HTR1E: variants seen among roughly 807,000 people sequenced by gnomAD.
HTR1E encodes the protein 5-hydroxytryptamine receptor 1E, also known as 5-HT-1E.
Under a neutral mutation model 3.4 loss-of-function variants are expected in HTR1E, and 3 were observed. The observed-to-expected ratio is 0.89, with a 90% CI of 0.41 to 2.31. The LOEUF (loss-of-function observed/expected upper bound fraction) is 2.31, where lower values mean the gene tolerates loss of function less well. Ranked by LOEUF, HTR1E falls within the 30% of genes most tolerant of loss-of-function variation. The probability of loss-of-function intolerance (pLI) is 0.05; values close to 1 mark genes in which losing one functional copy is unlikely to be tolerated. For missense variants in HTR1E, 392 were observed against 467.0 expected (o/e 0.84, Z 1.48); for synonymous variants, 170 against 182.8 (o/e 0.93, Z 0.56).
In HTR1E at chr6:87,003,549, A is replaced by G. The variant is rs1445795436; in HGVS notation, c.-185-11601A>G. Among the ~76,000 whole-genome samples the G allele has an allele frequency of 7.2e-5, 11 of 152,034 alleles. No homozygotes were observed. The East Asian group carries it at 1.7e-3, about 24-fold the overall frequency. ...GAGAGACTCCATCTCAAAAAAAAAAAAAGAAAAAAGAAAGAAATTGAAAAG... is the reference window on the plus strand; with the variant it reads ...GAGAGACTCCATCTCAAAAAAAAAAGAAGAAAAAAGAAAGAAATTGAAAAG... On this transcript the variant is annotated intron_variant, in intron 1 of 1. Coordinates refer to ENST00000305344, the MANE Select transcript of HTR1E (RefSeq NM_000865.3).
intron 1 of HTR1E, among the ~76,000 whole-genome samples, chr6:86,942,100 A>C (rs1031275115): frequency 6.6e-6 from 1 of 152,164 alleles, no homozygotes; most frequent in South Asian, 2.1e-4. Flanking sequence ...ACGCTTGTAC[A>C]CTGTTGGGCA....
intron 1 of HTR1E, among the ~76,000 whole-genome samples, chr6:86,989,494 C>A (rs1767843909): frequency 6.6e-6 from 1 of 152,138 alleles, no homozygotes; most frequent in Non-Finnish European, 1.5e-5. Flanking sequence ...TGGAGGATTC[C>A]TGTGACTTTG....
intron 1 of HTR1E, among the ~76,000 whole-genome samples, chr6:87,014,783 A>T (rs999050449): frequency 1.3e-5 from 2 of 152,136 alleles, no homozygotes; most frequent in African/African-American, 4.8e-5. Context: ...GGCCGGGAAC[A>T]TGACACACCA....
chr6:86,974,732 T>G (rs931626496), intron 1 of HTR1E, among the ~76,000 whole-genome samples: 1 of 152,208 alleles, frequency 6.6e-6, no homozygotes, highest in African/African-American at 2.4e-5. Context: ...TTTTGAAACT[T>G]TTAACTTATT....
intron 1 of HTR1E, among the ~76,000 whole-genome samples, chr6:86,945,991 G>A (rs762515218): frequency 2.6e-5 from 4 of 151,462 alleles, no homozygotes; most frequent in South Asian, 2.1e-4. Flanking sequence ...TACCTGCCTC[G>A]GCCTCCCAAA....
At chr6:87,003,764 T>A (rs1371500436) in intron 1 of HTR1E, among the ~76,000 whole-genome samples, 2 of 150,824 alleles carry the variant, frequency 1.3e-5, no homozygotes, top group African/African-American at 4.9e-5. Flanking sequence ...AAGGAAATAA[T>A]AAAGATCAGA....
In HTR1E at chr6:86,937,581, G is replaced by C. The variant is rs1000380689; in HGVS notation, c.-428G>C. ...CAGCGCCTGCCACCAGCGGTGCCTC[G>C]GGCTGCCCGGCGCGCCGCGCTCCCA... On this transcript the variant is annotated 5_prime_UTR_variant, in exon 1 of 2. Transcript: ENST00000305344. 3.0e-4 allele frequency: 46 copies of C among 152,638 alleles called. No individual in the cohort carries two copies. Among genetic ancestry groups the C allele is most frequent in the African/African-American group, 1.1e-3 (45 of 41,466 alleles). The allele number at this position is 152,638 out of a possible 1,614,324, so 9.5% of individuals were successfully genotyped here. A position where few individuals can be genotyped will look rare whatever the true frequency, so the allele number is the denominator to read the frequency against.
intron 1 of HTR1E, among the ~76,000 whole-genome samples, chr6:86,960,469 GA>G (rs1767389465): frequency 6.6e-6 from 1 of 152,130 alleles, no homozygotes; most frequent in Non-Finnish European, 1.5e-5. Context: ...AGGCAAGTTT[GA>G]AAAGCTTATA....
intron 1 of HTR1E, among the ~76,000 whole-genome samples, chr6:87,003,810 AAAAC>A (rs2127831041): frequency 6.6e-6 from 1 of 152,302 alleles, no homozygotes; most frequent in South Asian, 2.1e-4. Context: ...AAAATACAAA[AAAAC>A]AAAGAAACAA....
At position 87,016,488 on chromosome 6, in the gene HTR1E, T is replaced by TAAGG; in HGVS notation, c.*57_*60dup. The TAAGG allele has an allele frequency of 6.9e-7, 1 of 1,441,304 alleles. No homozygotes were observed. The highest frequency in any genetic ancestry group is 2.3e-5 in the East Asian group (1 of 43,626). The allele number at this position is 1,441,304 out of a possible 1,614,324, so 89.3% of individuals were successfully genotyped here. Reference sequence around the variant, plus strand: ...CCAGAGCCTCATGAGTGGATGGGGGTAAGGGGTGCAACTTATTAATTCTTG... The same window carrying TAAGG: ...CCAGAGCCTCATGAGTGGATGGGGGTAAGGAAGGGGTGCAACTTATTAATTCTTG... On this transcript the variant is annotated 3_prime_UTR_variant, in exon 2 of 2. Coordinates refer to ENST00000305344, the MANE Select transcript of HTR1E (RefSeq NM_000865.3).
In HTR1E at chr6:86,964,450, A is replaced by G. The variant is rs1271706370; in HGVS notation, c.-186+26627A>G. Among the ~76,000 whole-genome samples the G allele has an allele frequency of 5.3e-5, 8 of 152,352 alleles. No individual in the cohort carries two copies. In the East Asian group the frequency reaches 9.6e-4, roughly 18 times the overall value. ...TCACACTCTGTGGCAAGATGCTCTC[A>G]GTGTGAGACACAAGGAAAATGTGAT... is the stretch of plus-strand genomic sequence containing the variant. On this transcript the variant is annotated intron_variant, in intron 1 of 1. Coordinates refer to ENST00000305344, the MANE Select transcript of HTR1E (RefSeq NM_000865.3).
intron 1 of HTR1E, among the ~76,000 whole-genome samples, chr6:86,983,473 G>A (rs1260712413): frequency 1.3e-5 from 2 of 152,086 alleles, no homozygotes; most frequent in Admixed American, 1.3e-4. Context: ...ATTGAGTCAC[G>A]TGAATATACT....
chr6:86,980,855 T>C (rs769992964), intron 1 of HTR1E, among the ~76,000 whole-genome samples: 17 of 152,184 alleles, frequency 1.1e-4, no homozygotes, highest in Non-Finnish European at 2.9e-5. Flanking sequence ...CCTTTTGAGT[T>C]GTTATGAACC....
At chr6:87,010,701 C>G (rs903647292) in intron 1 of HTR1E, among the ~76,000 whole-genome samples, 2 of 144,608 alleles carry the variant, frequency 1.4e-5, no homozygotes, top group African/African-American at 2.6e-5. Flanking sequence ...ACATCCCAGA[C>G]GATGGGCGGC....
At chr6:86,949,746 T>C (rs1048798448) in intron 1 of HTR1E, among the ~76,000 whole-genome samples, 4 of 152,116 alleles carry the variant, frequency 2.6e-5, no homozygotes, top group African/African-American at 7.2e-5. Context: ...TAATTAAAAT[T>C]AAAATACATT....
chr6:86,986,821 T>C (rs1288329543), intron 1 of HTR1E, among the ~76,000 whole-genome samples: 1 of 152,184 alleles, frequency 6.6e-6, no homozygotes. Flanking sequence ...TGATTAACCC[T>C]ATTCTAGAAG....
chr6:86,966,844 T>A (rs1388215206), intron 1 of HTR1E, among the ~76,000 whole-genome samples: 1 of 152,234 alleles, frequency 6.6e-6, no homozygotes, highest in East Asian at 1.9e-4. Context: ...GAAACTCAGC[T>A]GCATGGACAT....
At chr6:87,007,933 C>CA (rs57527652) in intron 1 of HTR1E, among the ~76,000 whole-genome samples, 9,806 of 146,834 alleles carry the variant, frequency 0.067, 514 homozygotes, top group East Asian at 0.15. Context: ...GATTCTGTCT[C>CA]AAAAAAAAAA....
intron 1 of HTR1E, 117 bp from the exon 2 acceptor site, chr6:87,015,033 C>T (rs1057069305): frequency 2.1e-4 from 39 of 188,158 alleles, no homozygotes; most frequent in African/African-American, 8.9e-4. Context: ...AGCTCAAGTT[C>T]CACAGGAAAG....
Sources: allele counts gnomAD v4.1 joint callset (sites outside exome capture counted in the v4.1 genomes callset), GRCh38; gene constraint gnomAD v4.1.1; transcripts MANE v1.5; gene names NCBI Gene and HGNC (gene_info 2026-07-23, HGNC 2026-07-21).